The following KCNN2 variants were observed in gnomAD, a reference collection of about 807,000 sequenced individuals.
KCNN2 encodes the protein potassium calcium-activated channel subfamily N member 2.
Under a neutral mutation model 55.5 loss-of-function variants are expected in KCNN2, and 24 were observed. The ratio of observed to expected loss-of-function variants is 0.43; its 90% CI spans 0.31 to 0.61. The LOEUF is 0.61. KCNN2 is among the 20% of genes least tolerant of loss of function. The pLI is 0.08. For synonymous variants in KCNN2, 431 were observed against 336.1 expected, an observed-to-expected ratio of 1.28 and a Z score of -3.09; for missense variants, 754 against 853.6, an observed-to-expected ratio of 0.88 and a Z score of 1.45.
At chr5:114,203,631 G>A (rs1753717364) in intron 1 of KCNN2, among the ~76,000 whole-genome samples, 1 of 152,146 alleles carries the variant, frequency 6.6e-6, no homozygotes, top group Admixed American at 6.5e-5. Flanking sequence ...GAAAGATATT[G>A]TGGAAGAAGC....
intron 2 of KCNN2, among the ~76,000 whole-genome samples, chr5:114,262,920 C>T (rs953240070): frequency 1.3e-5 from 2 of 152,048 alleles, no homozygotes; most frequent in African/African-American, 2.4e-5. Context: ...TACTAAAATG[C>T]GATGATCCTA....
chr5:114,164,260 C>G (rs1752860197), intron 1 of KCNN2, among the ~76,000 whole-genome samples: 1 of 152,022 alleles, frequency 6.6e-6, no homozygotes, highest in Non-Finnish European at 1.5e-5. Context: ...AGGATGAGGA[C>G]AAATATTAAG....
At chr5:114,124,159 T>C (rs1293914360) in intron 1 of KCNN2, among the ~76,000 whole-genome samples, 1 of 152,210 alleles carries the variant, frequency 6.6e-6, no homozygotes, top group Non-Finnish European at 1.5e-5. Context: ...ATGGCAGGTT[T>C]GAGGTCAGGA....
At chr5:114,307,069 C>T (rs1385564224) in intron 2 of KCNN2, among the ~76,000 whole-genome samples, 1 of 152,114 alleles carries the variant, frequency 6.6e-6, no homozygotes, top group East Asian at 1.9e-4. Flanking sequence ...CCCTGTGTTC[C>T]ATAGTCCTTG....
intron 2 of KCNN2, among the ~76,000 whole-genome samples, chr5:114,245,136 A>G (rs1163733673): frequency 6.6e-6 from 1 of 152,246 alleles, no homozygotes; most frequent in Non-Finnish European, 1.5e-5. Flanking sequence ...CCTTAAAATA[A>G]TAAAAGAAGA....
intron 2 of KCNN2, among the ~76,000 whole-genome samples, chr5:114,398,994 A>G (rs1382200260): frequency 6.6e-6 from 1 of 152,152 alleles, no homozygotes; most frequent in African/African-American, 2.4e-5. Context: ...GCAAACAGGG[A>G]TAGTTTGAAT....
chr5:114,356,558 T>C (rs886620877), intron 2 of KCNN2, among the ~76,000 whole-genome samples: 3 of 152,072 alleles, frequency 2.0e-5, no homozygotes, highest in South Asian at 2.1e-4. Flanking sequence ...TTTATAGATA[T>C]GCTAACTAGC....
intron 2 of KCNN2, among the ~76,000 whole-genome samples, chr5:114,313,514 C>T (rs941397900): frequency 2.0e-5 from 3 of 152,064 alleles, no homozygotes; most frequent in Admixed American, 2.0e-4. Flanking sequence ...TAAAAAGGTG[C>T]TGACGTGTGG....
chr5:114,448,626 T>C (rs1000478040), intron 3 of KCNN2, among the ~76,000 whole-genome samples: 2 of 152,188 alleles, frequency 1.3e-5, no homozygotes, highest in African/African-American at 2.4e-5. Context: ...CTGAGAACTC[T>C]CTCAGCTCGC....
intron 1 of KCNN2, among the ~76,000 whole-genome samples, chr5:114,082,410 C>T (rs1401454103): frequency 6.6e-6 from 1 of 151,416 alleles, no homozygotes; most frequent in South Asian, 2.1e-4. Flanking sequence ...TTACCTGAAA[C>T]CCATTAGGAT....
chr5:114,090,047 A>G (rs1411260791), intron 1 of KCNN2, among the ~76,000 whole-genome samples: 2 of 152,232 alleles, frequency 1.3e-5, no homozygotes, highest in African/African-American at 4.8e-5. Context: ...GAATCAATGG[A>G]TATCCCTTAA....
upstream of KCNN2, chr5:114,361,941 A>T (rs1461995485): frequency 4.6e-5 from 7 of 153,212 alleles, no homozygotes; most frequent in African/African-American, 1.7e-4. Flanking sequence ...CGCGCGCCGC[A>T]AACTCAGTCT....
At chr5:114,311,507 A>G (rs752286308) in intron 2 of KCNN2, among the ~76,000 whole-genome samples, 114 of 152,242 alleles carry the variant, frequency 7.5e-4, no homozygotes, top group Non-Finnish European at 1.1e-3. Flanking sequence ...CTTTTAAAAA[A>G]TGTATTTTCA....
chr5:114,321,701 G>T (rs1043557704), intron 2 of KCNN2, among the ~76,000 whole-genome samples: 2 of 151,004 alleles, frequency 1.3e-5, no homozygotes, highest in South Asian at 2.1e-4. Context: ...GGGGGTCTTT[G>T]TTCTGTCCCC....
intron 3 of KCNN2, among the ~76,000 whole-genome samples, chr5:114,440,670 G>A (rs1319124500): frequency 6.7e-6 from 1 of 150,024 alleles, no homozygotes; most frequent in Admixed American, 6.6e-5. Context: ...CACTACTCAG[G>A]GGAAGTGGGG....
intron 4 of KCNN2, among the ~76,000 whole-genome samples, chr5:114,472,371 A>G (rs754992853): frequency 1.3e-5 from 2 of 152,228 alleles, no homozygotes. Context: ...TAATTCAAAA[A>G]GGAACACTGT....
chr5:114,233,815 T>G (rs1275834234), intron 2 of KCNN2, among the ~76,000 whole-genome samples: 1 of 152,194 alleles, frequency 6.6e-6, no homozygotes, highest in Non-Finnish European at 1.5e-5. Context: ...TCTTCTTATC[T>G]TTAAGAAAAC....
chr5:114,461,624 T>C (rs1761201421), intron 3 of KCNN2, among the ~76,000 whole-genome samples: 1 of 152,022 alleles, frequency 6.6e-6, no homozygotes, highest in African/African-American at 2.4e-5. Context: ...TGTCCAAAGA[T>C]AGAGTGTAAG....
chr5:114,141,263 A>C (rs1197866574), intron 1 of KCNN2, among the ~76,000 whole-genome samples: 1 of 152,014 alleles, frequency 6.6e-6, no homozygotes, highest in Admixed American at 6.6e-5. Context: ...TATATCTCCT[A>C]ATGCTATCCC....
Sources: allele counts gnomAD v4.1 joint callset (sites outside exome capture counted in the v4.1 genomes callset), GRCh38; gene constraint gnomAD v4.1.1; transcripts MANE v1.5; gene names NCBI Gene and HGNC (gene_info 2026-07-23, HGNC 2026-07-21).